KLRG2: variants seen among roughly 807,000 people sequenced by gnomAD.
KLRG2 encodes the protein killer cell lectin like receptor G2.
KLRG2 carries 39 observed loss-of-function variants against 35.4 expected under a neutral mutation model. The ratio of observed to expected loss-of-function variants is 1.10; its 90% CI spans 0.85 to 1.44. The LOEUF is 1.44. Ranked by LOEUF, KLRG2 falls within the 40% of genes most tolerant of loss-of-function variation. The pLI is 0.00. For missense variants in KLRG2, 632 were observed against 570.9 expected (o/e 1.11, Z -1.09); for synonymous variants, 283 against 265.8 (o/e 1.06, Z -0.63).
chr7:139,470,843 T>C (rs1796742816), intron 3 of KLRG2, among the ~76,000 whole-genome samples: 1 of 143,872 alleles, frequency 7.0e-6, no homozygotes, highest in Non-Finnish European at 1.5e-5. Context: ...GCACATTCCT[T>C]TTTTTTTTTT....
At position 139,454,161 on chromosome 7, in the gene KLRG2, T is replaced by A; in HGVS notation, c.1059A>T (p.Arg353=). 1 of 1,545,280 alleles carries A rather than the reference T, an allele frequency of 6.5e-7. No homozygotes were observed. Among genetic ancestry groups the A allele is most frequent in the Non-Finnish European group, 8.7e-7 (1 of 1,144,622 alleles). Residue 353 remains arginine (R), a synonymous_variant, in exon 4 of 5, where the codon CGA becomes CGT. Transcript: ENST00000340940. ...CGATCCAGTGCCAGCCCTGGGGGCC[T>A]CGCCAGGCCCCCACCCAGGAGTGCC... ...VSRHSWVGAW[R]GPQGWHWIDE... is the part of the protein sequence containing the mutation.
the KLRG2 span, among the ~76,000 whole-genome samples, chr7:139,442,706 G>A: frequency 6.6e-6 from 1 of 152,126 alleles, no homozygotes; most frequent in African/African-American, 2.4e-5. Flanking sequence ...AATTAGCCAG[G>A]CATTGTGGCA....
Position 139,483,268 on chromosome 7 carries a change from C to A in KLRG2, c.375G>T (p.Gln125His). Residue 125 changes from glutamine (Q) to histidine (H), a missense_variant, in exon 1 of 5, where the codon CAG (glutamine) becomes CAT (histidine). Coordinates refer to ENST00000340940, the MANE Select transcript of KLRG2 (RefSeq NM_198508.4). The part of the protein sequence containing the change: ...APSAWAPMEL[Q>H]VDVRVKPVGA... The stretch of plus-strand genomic sequence containing the variant: ...CCACGGGCTTCACGCGCACATCTAC[C>A]TGCAGCTCCATGGGCGCCCAGGCGC... 6.4e-7 allele frequency: 1 copy of A among 1,562,196 alleles called. No individual in the cohort carries two copies. The highest frequency in any genetic ancestry group is 1.2e-5 in the South Asian group (1 of 86,410).
At chr7:139,441,803 G>A in the KLRG2 span, among the ~76,000 whole-genome samples, 2 of 152,076 alleles carry the variant, frequency 1.3e-5, no homozygotes, top group African/African-American at 4.8e-5. Context: ...ATTGAATAGG[G>A]CTCTCTTCTG....
intron 3 of KLRG2, among the ~76,000 whole-genome samples, chr7:139,474,693 G>A (rs111372511): frequency 0.017 from 2,650 of 152,194 alleles, 81 homozygotes; most frequent in African/African-American, 0.061. Context: ...TCCAGGAGGT[G>A]GAGGTTGCAG....
chr7:139,454,062 T>TG, intron 4 of KLRG2, 49 bp downstream of exon 4: 1 of 1,121,486 alleles, frequency 8.9e-7, no homozygotes, highest in Non-Finnish European at 1.3e-6. Context: ...TGGGGAGAAA[T>TG]GGAGGATCCA....
At chr7:139,481,826 C>T (rs1028534765) in intron 1 of KLRG2, among the ~76,000 whole-genome samples, 1 of 151,930 alleles carries the variant, frequency 6.6e-6, no homozygotes, top group African/African-American at 2.4e-5. Flanking sequence ...CGGGAGGAGG[C>T]TGAGGCAGGA....
rs1252634398 is a variant in KLRG2, at chr7:139,479,685, G to A, written c.947C>T (p.Ala316Val). 1 of 1,613,932 alleles carries A rather than the reference G, an allele frequency of 6.2e-7. No individual in the cohort carries two copies. Among genetic ancestry groups the A allele is most frequent in the Non-Finnish European group, 8.5e-7 (1 of 1,180,016 alleles). Reference sequence around the variant, plus strand: ...GTAGGCTGAGCAGAAAGCCTGGCTGGCTTCCCAGGCCTGCGCTTCTGCAGA... The same window carrying A: ...GTAGGCTGAGCAGAAAGCCTGGCTGACTTCCCAGGCCTGCGCTTCTGCAGA... ...YFSAEAQAWE[A>V]SQAFCSAYHA... The change falls in exon 3 of 5, where the codon GCC becomes GTC. Residue 316 changes from alanine (A) to valine (V), a missense_variant. Coordinates refer to ENST00000340940, the MANE Select transcript of KLRG2 (RefSeq NM_198508.4).
intron 3 of KLRG2, among the ~76,000 whole-genome samples, chr7:139,469,496 C>T (rs541525534): frequency 6.6e-6 from 1 of 151,990 alleles, no homozygotes; most frequent in East Asian, 1.9e-4. Flanking sequence ...TTCGCTCCGT[C>T]ACCCAGTAGC....
chr7:139,470,653 T>C (rs1796739674), intron 3 of KLRG2, among the ~76,000 whole-genome samples: 1 of 151,948 alleles, frequency 6.6e-6, no homozygotes, highest in Admixed American at 6.6e-5. Flanking sequence ...TAGCTGGGTG[T>C]GGTGGCACAT....
At chr7:139,448,699 T>G (rs535764164), downstream of KLRG2, 1 of 146,084 alleles carries the variant, frequency 6.8e-6, no homozygotes, top group Non-Finnish European at 1.5e-5. Flanking sequence ...TCTTAAAAAA[T>G]AATAATAATA....
At position 139,483,082 on chromosome 7, in the gene KLRG2, C is replaced by A; in HGVS notation, c.561G>T (p.Pro187=). Residue 187 remains proline, a synonymous_variant, in exon 1 of 5, where the codon CCG becomes CCT. Transcript: ENST00000340940. ...CGCTCTCCGTCCGGGCTGCAGCCAGCGGCGAGCGGCGGCCCCACGTGCCGC... is the reference window on the plus strand; with the variant it reads ...CGCTCTCCGTCCGGGCTGCAGCCAGAGGCGAGCGGCGGCCCCACGTGCCGC... ...SQGGTWGRRS[P]LAAARTESGC... The A allele has an allele frequency of 7.0e-7, 1 of 1,421,294 alleles. No individual in the cohort carries two copies. The highest frequency in any genetic ancestry group is 9.1e-7 in the Non-Finnish European group (1 of 1,098,046). 88.0% of individuals were successfully genotyped at this position (1,421,294 alleles called of 1,614,324 possible). A position where few individuals can be genotyped will look rare whatever the true frequency, so the allele number is the denominator to read the frequency against.
At chr7:139,465,102 C>T (rs11765257) in intron 3 of KLRG2, among the ~76,000 whole-genome samples, 35,937 of 152,096 alleles carry the variant, frequency 0.24, 4,879 homozygotes, top group African/African-American at 0.36. Flanking sequence ...CCAGGCCTAA[C>T]TGCCACTCAC....
chr7:139,452,272 G>A (rs1031235669), downstream of KLRG2, among the ~76,000 whole-genome samples: 34 of 151,986 alleles, frequency 2.2e-4, no homozygotes, highest in Non-Finnish European at 4.4e-4. Flanking sequence ...CACCGTGCCC[G>A]GCCTCCATTT....
chr7:139,483,553 CT>C lies in KLRG2; in HGVS notation c.89del (p.Glu30GlyfsTer97). The C allele has an allele frequency of 2.5e-6, 4 of 1,599,136 alleles. No individual in the cohort carries two copies. The highest frequency in any genetic ancestry group is 3.4e-6 in the Non-Finnish European group (4 of 1,179,018). Reference sequence around the variant, plus strand: ...GCACCTTCGCGGGCACCTGCGGCTGCTCCAGCGTGGGGACCAGGCTTCCCAC... The same window carrying C: ...GCACCTTCGCGGGCACCTGCGGCTGCCCAGCGTGGGGACCAGGCTTCCCAC... ...EPVGSLVPTL[E>X]QPQVPAKVRQ... On this transcript the variant is annotated frameshift_variant, in exon 1 of 5. Transcript: ENST00000340940. LOFTEE classifies it high-confidence loss of function.
the KLRG2 span, among the ~76,000 whole-genome samples, chr7:139,440,209 G>A: frequency 1.3e-5 from 2 of 151,956 alleles, no homozygotes; most frequent in Non-Finnish European, 2.9e-5. Context: ...TCCCAGGTTC[G>A]GGCAATTCTT....
chr7:139,450,348 C>T (rs1325660180), downstream of KLRG2, among the ~76,000 whole-genome samples: 4 of 152,094 alleles, frequency 2.6e-5, no homozygotes, highest in South Asian at 6.2e-4. Flanking sequence ...CTCAGCCTCC[C>T]GAGTAGCTGG....
chr7:139,462,318 A>G (rs988053888), intron 3 of KLRG2, among the ~76,000 whole-genome samples: 32 of 151,804 alleles, frequency 2.1e-4, no homozygotes, highest in African/African-American at 7.7e-4. Context: ...TCTTGGGGGC[A>G]AGCACCCCTC....
At chr7:139,458,482 G>A (rs1796514722) in intron 3 of KLRG2, among the ~76,000 whole-genome samples, 1 of 152,036 alleles carries the variant, frequency 6.6e-6, no homozygotes, top group East Asian at 1.9e-4. Flanking sequence ...TATCCACATT[G>A]TTGTAAAACC....
Sources: allele counts gnomAD v4.1 joint callset (sites outside exome capture counted in the v4.1 genomes callset), GRCh38; gene constraint gnomAD v4.1.1; transcripts MANE v1.5; gene names NCBI Gene and HGNC (gene_info 2026-07-23, HGNC 2026-07-21).